Variants in CNTNAP2 observed in about 807,000 individuals in gnomAD.
The protein encoded by CNTNAP2 is contactin associated protein 2, also known as contactin-associated protein-like 2.
Under a neutral mutation model 155.2 loss-of-function variants are expected in CNTNAP2, and 98 were observed. The ratio of observed to expected loss-of-function variants is 0.63; its 90% CI spans 0.54 to 0.75. CNTNAP2 has a LOEUF of 0.75. Ranked by LOEUF, CNTNAP2 falls within the 30% of genes least tolerant of loss-of-function variation. The probability of loss-of-function intolerance (pLI) is 0.00; values close to 1 mark genes in which losing one functional copy is unlikely to be tolerated. For missense variants in CNTNAP2, 1,727 were observed against 1,688.1 expected (o/e 1.02, Z -0.40); for synonymous variants, 651 against 631.2 (o/e 1.03, Z -0.47).
intron 9 of CNTNAP2, among the ~76,000 whole-genome samples, chr7:147,317,869 T>C (rs978006115): frequency 6.6e-6 from 1 of 151,784 alleles, no homozygotes; most frequent in African/African-American, 2.4e-5. Context: ...GGCTTCTCTT[T>C]TCCTGGTTTT....
chr7:146,200,328 T>G (rs2116865812), intron 1 of CNTNAP2, among the ~76,000 whole-genome samples: 1 of 152,164 alleles, frequency 6.6e-6, no homozygotes, highest in Admixed American at 6.6e-5. Flanking sequence ...ACCCCATCTC[T>G]ACTAAAAATA....
chr7:148,300,377 C>G (rs368084458), intron 21 of CNTNAP2, among the ~76,000 whole-genome samples: 9 of 152,046 alleles, frequency 5.9e-5, no homozygotes. Context: ...CTTTCATACT[C>G]GTTATATGTT....
At chr7:146,158,459 T>A (rs767458962) in intron 1 of CNTNAP2, among the ~76,000 whole-genome samples, 1 of 152,132 alleles carries the variant, frequency 6.6e-6, no homozygotes, top group East Asian at 1.9e-4. Flanking sequence ...TAAAGGAGGA[T>A]GTTAGAACTC....
intron 13 of CNTNAP2, among the ~76,000 whole-genome samples, chr7:147,889,963 TTC>T (rs1799662744): frequency 6.6e-6 from 1 of 152,186 alleles, no homozygotes; most frequent in East Asian, 1.9e-4. Flanking sequence ...CTCAACAAAT[TTC>T]AGGTTATTGG....
intron 17 of CNTNAP2, among the ~76,000 whole-genome samples, chr7:148,159,048 G>C (rs745666908): frequency 6.6e-6 from 1 of 152,092 alleles, no homozygotes; most frequent in Admixed American, 6.6e-5. Context: ...TTAGTATTCC[G>C]CATTCAGATA....
chr7:147,344,824 T>G (rs1795824602), intron 9 of CNTNAP2, among the ~76,000 whole-genome samples: 1 of 152,160 alleles, frequency 6.6e-6, no homozygotes, highest in Non-Finnish European at 1.5e-5. Context: ...TCAAAATATT[T>G]CACATATCAT....
intron 3 of CNTNAP2, among the ~76,000 whole-genome samples, chr7:146,985,566 C>T (rs1412496442): frequency 2.6e-5 from 4 of 152,110 alleles, no homozygotes; most frequent in Non-Finnish European, 5.9e-5. Flanking sequence ...GTGATCCACT[C>T]GCCTTGGCCT....
intron 1 of CNTNAP2, among the ~76,000 whole-genome samples, chr7:146,569,202 C>A (rs985568945): frequency 6.6e-6 from 1 of 151,910 alleles, no homozygotes; most frequent in Non-Finnish European, 1.5e-5. Flanking sequence ...ATTTTTAGTA[C>A]AGACGGGGTT....
chr7:147,521,605 G>T lies in CNTNAP2; in HGVS notation c.1777+35564G>T, dbSNP rs142108844. Reference sequence around the variant, plus strand: ...CAGCCTGAAATGGAGAATATAAGCTGCTCTGATCAGGTATTGTTTCTTCTT... The same window carrying T: ...CAGCCTGAAATGGAGAATATAAGCTTCTCTGATCAGGTATTGTTTCTTCTT... On this transcript the variant is annotated intron_variant, in intron 11 of 23. Coordinates refer to ENST00000361727, the MANE Select transcript of CNTNAP2 (RefSeq NM_014141.6). 3.2e-3 allele frequency among the ~76,000 whole-genome samples: 482 copies of T among 152,248 alleles called. 2 individuals are homozygous for T. Among genetic ancestry groups the T allele is most frequent in the African/African-American group, 0.011 (448 of 41,530 alleles).
intron 8 of CNTNAP2, among the ~76,000 whole-genome samples, chr7:147,258,259 G>A (rs890431404): frequency 2.6e-5 from 4 of 152,080 alleles, no homozygotes; most frequent in Non-Finnish European, 5.9e-5. Flanking sequence ...TATTCATAGA[G>A]TACATGGTGA....
chr7:146,426,341 G>A (rs1796089560), intron 1 of CNTNAP2, among the ~76,000 whole-genome samples: 1 of 150,384 alleles, frequency 6.6e-6, no homozygotes, highest in South Asian at 2.1e-4. Flanking sequence ...GTTTGCCTCA[G>A]TGTCTTTCTG....
intron 16 of CNTNAP2, among the ~76,000 whole-genome samples, chr7:148,146,954 G>C (rs565398814): frequency 6.6e-6 from 1 of 152,174 alleles, no homozygotes; most frequent in African/African-American, 2.4e-5. Flanking sequence ...CATTTCCTGG[G>C]GAGTTTTTTT....
At chr7:147,021,388 A>G (rs1246297171) in intron 3 of CNTNAP2, among the ~76,000 whole-genome samples, 1 of 152,082 alleles carries the variant, frequency 6.6e-6, no homozygotes, top group Non-Finnish European at 1.5e-5. Flanking sequence ...TCATTATTTC[A>G]TAGGTCCAAT....
At chr7:146,548,849 C>A (rs1297785041) in intron 1 of CNTNAP2, among the ~76,000 whole-genome samples, 1 of 133,970 alleles carries the variant, frequency 7.5e-6, no homozygotes, top group African/African-American at 2.8e-5. Context: ...TGTACAGAAG[C>A]TTTTTAGTGT....
intron 21 of CNTNAP2, among the ~76,000 whole-genome samples, chr7:148,320,325 T>C (rs1474337343): frequency 6.6e-6 from 1 of 151,966 alleles, no homozygotes; most frequent in African/African-American, 2.4e-5. Context: ...CAGTGGCAGT[T>C]AGTGGTAGAT....
chr7:147,802,135 A>ATGGGGT, intron 13 of CNTNAP2, among the ~76,000 whole-genome samples: 1 of 144,004 alleles, frequency 6.9e-6, no homozygotes, highest in East Asian at 2.2e-4. Flanking sequence ...CACCTCCCAG[A>ATGGGGT]CGGGGTCGCG....
intron 1 of CNTNAP2, among the ~76,000 whole-genome samples, chr7:146,341,519 C>T (rs527354521): frequency 1.8e-4 from 27 of 151,972 alleles, no homozygotes; most frequent in Non-Finnish European, 3.5e-4. Context: ...AAAACAGTTG[C>T]GACAATTTTG....
intron 1 of CNTNAP2, among the ~76,000 whole-genome samples, chr7:146,711,594 A>G (rs1585052618): frequency 6.7e-6 from 1 of 149,432 alleles, no homozygotes. Flanking sequence ...ACTAGTTTCT[A>G]ATCATGGAAT....
intron 8 of CNTNAP2, among the ~76,000 whole-genome samples, chr7:147,155,471 A>G (rs1355361797): frequency 6.6e-6 from 1 of 152,124 alleles, no homozygotes; most frequent in Non-Finnish European, 1.5e-5. Flanking sequence ...GAACATAGAC[A>G]TTTGGAGGAG....
Sources: allele counts gnomAD v4.1 joint callset (sites outside exome capture counted in the v4.1 genomes callset), GRCh38; gene constraint gnomAD v4.1.1; transcripts MANE v1.5; gene names NCBI Gene and HGNC (gene_info 2026-07-23, HGNC 2026-07-21).